The following UBXN4 variants were observed in gnomAD, a reference collection of about 807,000 sequenced individuals.
UBXN4 encodes the protein UBX domain-containing protein 4.
A neutral mutation model predicts 66.2 loss-of-function variants in UBXN4; 35 were observed. The observed-to-expected ratio is 0.53, with a 90% CI of 0.40 to 0.70. The LOEUF (loss-of-function observed/expected upper bound fraction) is 0.70. Ranked by LOEUF, UBXN4 falls within the 30% of genes least tolerant of loss-of-function variation. The pLI is 0.00. For synonymous variants in UBXN4, 203 were observed against 204.5 expected (o/e 0.99, Z 0.06); for missense variants, 533 against 599.8 (o/e 0.89, Z 1.16).
At chr2:135,755,254 G>T (rs1485130122) in intron 4 of UBXN4, among the ~76,000 whole-genome samples, 1 of 151,918 alleles carries the variant, frequency 6.6e-6, no homozygotes, top group Non-Finnish European at 1.5e-5. Flanking sequence ...GTAGAAGTTT[G>T]TAACTTTTTT....
At position 135,778,968 on chromosome 2, in the gene UBXN4, T is replaced by C. The variant is rs1202505300; in HGVS notation, c.1074T>C (p.Gly358=). Residue 358 remains glycine (G), a synonymous_variant, in exon 11 of 13, where the codon GGT becomes GGC. Coordinates refer to ENST00000272638, the MANE Select transcript of UBXN4 (RefSeq NM_014607.4). ...FAAQTVGNTY[G]NFSLATMFPR... The stretch of plus-strand genomic sequence containing the variant: ...TACAGACTGTTGGCAACACTTACGG[T>C]AATTTTTCGTTAGCAACCATGTTTC... 6.2e-7 allele frequency: 1 copy of C among 1,612,738 alleles called. No homozygotes were observed.
chr2:135,758,621 A>G (rs1043691100), intron 5 of UBXN4, among the ~76,000 whole-genome samples: 1 of 152,192 alleles, frequency 6.6e-6, no homozygotes, highest in Non-Finnish European at 1.5e-5. Context: ...TTCATGGCCA[A>G]TATTCTCATC....
chr2:135,767,890 C>G (rs909455450), intron 6 of UBXN4, among the ~76,000 whole-genome samples: 6 of 151,908 alleles, frequency 3.9e-5, no homozygotes, highest in African/African-American at 1.5e-4. Context: ...TTTTTTTTCT[C>G]TCATGTGTTA....
intron 4 of UBXN4, among the ~76,000 whole-genome samples, chr2:135,754,837 T>G (rs2077270139): frequency 6.6e-6 from 1 of 152,196 alleles, no homozygotes; most frequent in Non-Finnish European, 1.5e-5. Context: ...CAGGCTGGAG[T>G]GCAGTGGACT....
In UBXN4 at chr2:135,782,903, A is replaced by G; in HGVS notation, c.*16A>G. On this transcript the variant is annotated 3_prime_UTR_variant, in exon 13 of 13. Coordinates refer to ENST00000272638, the MANE Select transcript of UBXN4 (RefSeq NM_014607.4). ...ACAGATGTAGTGTGACAAGTATAAT[A>G]TGTGCAATAATCATTGTTTCTCTTA... The G allele has an allele frequency of 6.3e-7, 1 of 1,593,714 alleles. No individual in the cohort carries two copies. The highest frequency in any genetic ancestry group is 8.5e-7 in the Non-Finnish European group (1 of 1,170,586).
chr2:135,771,116 A>T (rs1274596435), intron 8 of UBXN4, among the ~76,000 whole-genome samples: 1 of 152,028 alleles, frequency 6.6e-6, no homozygotes, highest in East Asian at 1.9e-4. Context: ...GCAACATTGA[A>T]AGGATTTAGG....
At chr2:135,774,937 A>C (rs1226301631) in intron 9 of UBXN4, among the ~76,000 whole-genome samples, 1 of 152,216 alleles carries the variant, frequency 6.6e-6, no homozygotes, top group East Asian at 1.9e-4. Context: ...CTAGAATATA[A>C]AAAGAACCTG....
intron 1 of UBXN4, chr2:135,747,988 A>C (rs1322483299): frequency 3.0e-6 from 1 of 334,258 alleles, no homozygotes; most frequent in Non-Finnish European, 5.6e-6. Context: ...ATGACTGCTT[A>C]TTATTGTGGT....
intron 6 of UBXN4, among the ~76,000 whole-genome samples, chr2:135,762,982 T>G (rs1443319792): frequency 6.6e-6 from 1 of 152,206 alleles, no homozygotes; most frequent in African/African-American, 2.4e-5. Context: ...TCAGGCGCTA[T>G]TTAGTTATAC....
intron 3 of UBXN4, 43 bp from the exon 4 acceptor site, chr2:135,754,116 C>G: frequency 3.6e-6 from 5 of 1,395,648 alleles, no homozygotes; most frequent in Non-Finnish European, 5.0e-6. Context: ...TAAAACTATC[C>G]TTTCGTTTCA....
chr2:135,780,095 T>C, intron 11 of UBXN4, 88 bp from the exon 12 acceptor site: 1 of 1,333,602 alleles, frequency 7.5e-7, no homozygotes, highest in Non-Finnish European at 1.1e-6. Flanking sequence ...AGGACCTCCT[T>C]TTCCAGATAA....
intron 9 of UBXN4, among the ~76,000 whole-genome samples, chr2:135,775,625 G>A (rs60940257): frequency 0.12 from 17,821 of 152,214 alleles, 1,836 homozygotes; most frequent in African/African-American, 0.26. Flanking sequence ...CCAGGGTCTG[G>A]AGGAGGGAGG....
chr2:135,748,411 A>G (rs2077222764), intron 2 of UBXN4, 42 bp downstream of exon 2: 2 of 1,403,032 alleles, frequency 1.4e-6, no homozygotes, highest in South Asian at 1.4e-5. Flanking sequence ...TAAAATTTAT[A>G]AGTATTGTCT....
At chr2:135,765,626 AT>A (rs2105501998) in intron 6 of UBXN4, among the ~76,000 whole-genome samples, 2 of 151,770 alleles carry the variant, frequency 1.3e-5, no homozygotes, top group South Asian at 4.2e-4. Flanking sequence ...AAATAGTGTA[AT>A]GGCCATCTTT....
chr2:135,742,775 G>C (rs1187990530), intron 1 of UBXN4: 1 of 152,020 alleles, frequency 6.6e-6, no homozygotes, highest in South Asian at 2.1e-4. Flanking sequence ...CTTTATGGCA[G>C]TCTTGGTAGG....
intron 10 of UBXN4, among the ~76,000 whole-genome samples, chr2:135,778,641 A>G (rs546751517): frequency 1.3e-5 from 2 of 152,332 alleles, no homozygotes; most frequent in South Asian, 4.1e-4. Context: ...CTAATGATGA[A>G]CTGCAACAGT....
chr2:135,766,004 T>C (rs1262431259), intron 6 of UBXN4, among the ~76,000 whole-genome samples: 1 of 152,034 alleles, frequency 6.6e-6, no homozygotes, highest in African/African-American at 2.4e-5. Context: ...AATACAAAAA[T>C]TACCCGGACG....
chr2:135,776,119 C>A, intron 9 of UBXN4, 130 bp from the exon 10 acceptor site: 3 of 703,354 alleles, frequency 4.3e-6, no homozygotes, highest in Middle Eastern at 4.0e-4. Context: ...TATTAACAAA[C>A]AAAAAGATCT....
intron 5 of UBXN4, among the ~76,000 whole-genome samples, chr2:135,760,486 C>G (rs188971627): frequency 4.6e-5 from 7 of 152,016 alleles, no homozygotes; most frequent in African/African-American, 1.7e-4. Context: ...TATGAAATAC[C>G]AAAGGCAGAG....
Sources: gnomAD v4.1 joint callset for allele counts (sites outside exome capture counted in the v4.1 genomes callset) on GRCh38, gnomAD v4.1.1 for gene constraint, MANE v1.5 for transcripts, NCBI Gene and HGNC (gene_info 2026-07-23, HGNC 2026-07-21) for gene names.